The following ARL6IP1 variants were observed in gnomAD, a reference collection of about 807,000 sequenced individuals.
ARL6IP1 encodes the protein ARL6 interacting reticulophagy regulator 1.
In ARL6IP1, 16 loss-of-function variants were observed where a neutral mutation model predicts 30.1. The observed-to-expected ratio is 0.53, with a 90% CI of 0.36 to 0.81. ARL6IP1 has a LOEUF of 0.81. ARL6IP1 is among the 30% of genes least tolerant of loss of function. ARL6IP1 has a pLI of 0.01. For missense variants in ARL6IP1, 173 were observed against 242.7 expected, an observed-to-expected ratio of 0.71 and a Z score of 1.91; for synonymous variants, 72 against 84.8, an observed-to-expected ratio of 0.85 and a Z score of 0.83.
In ARL6IP1 at chr16:18,792,049, A is replaced by C. The variant is rs1306709551; in HGVS notation, c.*1203T>G. On this transcript the variant is annotated 3_prime_UTR_variant, in exon 6 of 6. Coordinates refer to ENST00000304414, the MANE Select transcript of ARL6IP1 (RefSeq NM_015161.3). ...GTCAGTCACATTTTTTGGCCCTCAG[A>C]AGTTCATTCCTAAAGATTTCAACTA... The C allele has an allele frequency of 6.6e-6, 1 of 152,516 alleles. No homozygotes were observed. Among genetic ancestry groups the C allele is most frequent in the Non-Finnish European group, 1.5e-5 (1 of 68,034 alleles). 9.4% of individuals were successfully genotyped at this position (152,516 alleles called of 1,614,324 possible).
intron 1 of ARL6IP1, among the ~76,000 whole-genome samples, chr16:18,799,179 C>T (rs920413308): frequency 6.6e-6 from 1 of 152,092 alleles, no homozygotes; most frequent in African/African-American, 2.4e-5. Context: ...GCCACCACGC[C>T]CGACTAATTT....
intron 5 of ARL6IP1, 28 bp downstream of exon 5, chr16:18,794,571 T>C (rs1161988616): frequency 2.6e-6 from 4 of 1,566,750 alleles, no homozygotes; most frequent in Non-Finnish European, 3.5e-6. Flanking sequence ...GGCCAGGATG[T>C]GCCTGTAGTT....
chr16:18,791,712 A>T lies in ARL6IP1; in HGVS notation c.*1540T>A, dbSNP rs575193901. 1.3e-5 allele frequency: 2 copies of T among 152,366 alleles called. No homozygotes were observed. The highest frequency in any genetic ancestry group is 2.1e-4 in the South Asian group (1 of 4,828). The allele number at this position is 152,366 out of a possible 1,614,324, so 9.4% of individuals were successfully genotyped here. A position where few individuals can be genotyped will look rare whatever the true frequency, so the allele number is the denominator to read the frequency against. ...ATTTTTTCCCCTTTTACACAAAACA[A>T]AGTAGAAGAAATAATACAGGATTAA... On this transcript the variant is annotated 3_prime_UTR_variant, in exon 6 of 6. Coordinates refer to ENST00000304414, the MANE Select transcript of ARL6IP1 (RefSeq NM_015161.3).
chr16:18,798,939 T>C, intron 1 of ARL6IP1, 105 bp from the exon 2 acceptor site: 10 of 1,274,248 alleles, frequency 7.8e-6, no homozygotes, highest in Non-Finnish European at 1.1e-5. Flanking sequence ...AATAACCTCT[T>C]AACCAAATTG....
At chr16:18,795,308 T>A in intron 4 of ARL6IP1, 156 bp downstream of exon 4, 1 of 497,860 alleles carries the variant, frequency 2.0e-6, no homozygotes, top group East Asian at 3.1e-5. Context: ...TTTTTAACTT[T>A]AAAATGATTC....
intron 3 of ARL6IP1, among the ~76,000 whole-genome samples, chr16:18,797,368 C>T (rs113074540): frequency 3.9e-4 from 55 of 142,568 alleles, no homozygotes; most frequent in Admixed American, 4.4e-4. Flanking sequence ...GGCAACAGAG[C>T]GAGCCTCCAT....
rs2030076688 is a variant in ARL6IP1 at position 18,791,788 on chromosome 16, G to C, written c.*1464C>G. On this transcript the variant is annotated 3_prime_UTR_variant, in exon 6 of 6. Coordinates refer to ENST00000304414, the MANE Select transcript of ARL6IP1 (RefSeq NM_015161.3). ...AATATGTATGCACACAAAAAATCCA[G>C]ATAGGAAGACAGGCTTATTTACAAT... is the stretch of plus-strand genomic sequence containing the variant. 6.6e-6 allele frequency: 1 copy of C among 152,362 alleles called. No individual in the cohort carries two copies. Among genetic ancestry groups the C allele is most frequent in the South Asian group, 2.1e-4 (1 of 4,838 alleles). 9.4% of individuals were successfully genotyped at this position (152,362 alleles called of 1,614,324 possible).
At chr16:18,801,037 G>A (rs1048031543) in intron 1 of ARL6IP1, among the ~76,000 whole-genome samples, 2 of 152,242 alleles carry the variant, frequency 1.3e-5, no homozygotes, top group African/African-American at 4.8e-5. Context: ...GGGAAAAGAA[G>A]GCAGGCACAT....
Position 18,797,976 on chromosome 16 carries a change from G to C in ARL6IP1, c.239C>G (p.Ala80Gly). The C allele has an allele frequency of 1.2e-6, 2 of 1,613,908 alleles. No homozygotes were observed. Among genetic ancestry groups the C allele is most frequent in the Non-Finnish European group, 1.7e-6 (2 of 1,179,938 alleles). The stretch of plus-strand genomic sequence containing the variant: ...CGCTAGAATGGGAACAAGGTAGTCA[G>C]CCAAGCACAAAAACATAACAAAACA... ...VSCFVMFLCL[A>G]DYLVPILAPR... is the part of the protein sequence containing the mutation. Residue 80 changes from alanine (A) to glycine (G), a missense_variant, in exon 3 of 6, where the codon GCT becomes GGT. By Grantham distance (60) the Ala-to-Gly change is moderately conservative. Transcript: ENST00000304414.
At chr16:18,795,625 T>A in intron 3 of ARL6IP1, 44 bp from the exon 4 acceptor site, 1 of 1,362,830 alleles carries the variant, frequency 7.3e-7, no homozygotes, top group Non-Finnish European at 1.0e-6. Context: ...ATCGTTACAG[T>A]AGACAAAAAC....
rs755379433 is a variant in ARL6IP1, at chr16:18,801,504, TC to T, written c.-39del. ...GCAGTCTCTACAAGCGCAGGCCACC[TC>T]CCCAACGAGTCCTCCAACCGAAACC... On this transcript the variant is annotated 5_prime_UTR_variant, in exon 1 of 6. Coordinates refer to ENST00000304414, the MANE Select transcript of ARL6IP1 (RefSeq NM_015161.3). 3.7e-6 allele frequency: 6 copies of T among 1,605,494 alleles called. No homozygotes were observed. The African/African-American group carries it at 6.7e-5, about 18-fold the overall frequency.
intron 2 of ARL6IP1, 74 bp from the exon 3 acceptor site, chr16:18,798,118 ATTCAC>A (rs2030296807): frequency 7.3e-7 from 1 of 1,377,994 alleles, no homozygotes; most frequent in Non-Finnish European, 9.8e-7. Flanking sequence ...TAACTTAACT[ATTCAC>A]TTAACTATTC....
At chr16:18,799,286 A>G (rs2030336763) in intron 1 of ARL6IP1, among the ~76,000 whole-genome samples, 1 of 152,210 alleles carries the variant, frequency 6.6e-6, no homozygotes, top group Non-Finnish European at 1.5e-5. Flanking sequence ...TGCTGGGATT[A>G]CAGGTGTGAG....
In ARL6IP1 at chr16:18,793,077, A is replaced by G. The variant is rs2030110765; in HGVS notation, c.*175T>C. Reference sequence around the variant, plus strand: ...AAGAACGCGCTCAACTATACGCGACATGAAGACACTATGCACGAAGCCTTA... The same window carrying G: ...AAGAACGCGCTCAACTATACGCGACGTGAAGACACTATGCACGAAGCCTTA... On this transcript the variant is annotated 3_prime_UTR_variant, in exon 6 of 6. Transcript: ENST00000304414. The G allele has an allele frequency of 3.8e-6, 2 of 526,338 alleles. No homozygotes were observed. Among genetic ancestry groups the G allele is most frequent in the Admixed American group, 3.3e-5 (1 of 30,368 alleles). 32.6% of individuals were successfully genotyped at this position (526,338 alleles called of 1,614,324 possible).
intron 3 of ARL6IP1, among the ~76,000 whole-genome samples, chr16:18,795,813 G>A (rs1230482913): frequency 2.0e-5 from 3 of 152,094 alleles, no homozygotes; most frequent in African/African-American, 4.8e-5. Context: ...GTGTGTGTGC[G>A]TGTGATAAAG....
intron 1 of ARL6IP1, 45 bp from the exon 2 acceptor site, chr16:18,798,879 C>T: frequency 1.3e-6 from 2 of 1,572,246 alleles, no homozygotes; most frequent in East Asian, 2.3e-5. Flanking sequence ...CCACTCTCAA[C>T]ATTTTTGTGG....
intron 1 of ARL6IP1, chr16:18,801,105 G>A: frequency 8.9e-7 from 1 of 1,117,348 alleles, no homozygotes; most frequent in Non-Finnish European, 1.2e-6. Flanking sequence ...AGCCGCGAAA[G>A]CGCTGGACAG....
chr16:18,795,369 A>G (rs2030198475), intron 4 of ARL6IP1, 95 bp downstream of exon 4: 2 of 766,870 alleles, frequency 2.6e-6, no homozygotes, highest in Non-Finnish European at 4.4e-6. Context: ...GAATTAACCA[A>G]TGAATAATTT....
In ARL6IP1 at chr16:18,795,471, G is replaced by A. The variant is rs1191858169; in HGVS notation, c.401C>T (p.Pro134Leu). 2 of 1,610,698 alleles carry A rather than the reference G, an allele frequency of 1.2e-6. No individual in the cohort carries two copies. The highest frequency in any genetic ancestry group is 4.5e-5 in the East Asian group (2 of 44,844). Residue 134 changes from proline (P) to leucine (L), a missense_variant, in exon 4 of 6, where the codon CCT becomes CTT. Coordinates refer to ENST00000304414, the MANE Select transcript of ARL6IP1 (RefSeq NM_015161.3). The stretch of plus-strand genomic sequence containing the variant: ...TCAAAGCAAAAAAAGTACCATCTTA[G>A]GTTTTTCTTCCTTTAGTGTGAAGAG... ...KRLFTLKEEK[P>L]KMYFMTMIVS...
Sources: gnomAD v4.1 joint callset for allele counts (sites outside exome capture counted in the v4.1 genomes callset) on GRCh38, gnomAD v4.1.1 for gene constraint, MANE v1.5 for transcripts, NCBI Gene and HGNC (gene_info 2026-07-23, HGNC 2026-07-21) for gene names.